Variants in PLEKHH1 observed in about 807,000 individuals in gnomAD.
PLEKHH1 encodes pleckstrin homology, MyTH4 and FERM domain containing H1.
Under a neutral mutation model 160.0 loss-of-function variants are expected in PLEKHH1, and 104 were observed. The ratio of observed to expected loss-of-function variants is 0.65; its 90% CI spans 0.55 to 0.76. The LOEUF (loss-of-function observed/expected upper bound fraction) is 0.76, where lower values mean the gene tolerates loss of function less well. PLEKHH1 is among the 30% of genes least tolerant of loss of function. The probability of loss-of-function intolerance (pLI) is 0.00; values close to 1 mark genes in which losing one functional copy is unlikely to be tolerated. For synonymous variants in PLEKHH1, 619 were observed against 678.4 expected, an observed-to-expected ratio of 0.91 and a Z score of 1.36; for missense variants, 1,427 against 1,724.1, an observed-to-expected ratio of 0.83 and a Z score of 3.05.
In PLEKHH1 at chr14:67,582,383, A is replaced by T; in HGVS notation, c.3426+173A>T. The T allele has an allele frequency of 8.9e-7, 1 of 1,122,264 alleles. No individual in the cohort carries two copies. Among genetic ancestry groups the T allele is most frequent in the Admixed American group, 2.1e-5 (1 of 47,188 alleles). 69.5% of individuals were successfully genotyped at this position (1,122,264 alleles called of 1,614,324 possible). On this transcript the variant is annotated intron_variant, in intron 24 of 28. Transcript: ENST00000329153. The surrounding 1 kb of genome is among the most constrained non-coding windows in gnomAD (Gnocchi z 5.0). ...TTCTACAGATCAGAGCTCCTCACTCACCGCAGATATAGGATGCGTGCAGAT... is the reference window on the plus strand; with the variant it reads ...TTCTACAGATCAGAGCTCCTCACTCTCCGCAGATATAGGATGCGTGCAGAT...
At chr14:67,545,576 G>A (rs1416364916) in intron 2 of PLEKHH1, among the ~76,000 whole-genome samples, 1 of 152,166 alleles carries the variant, frequency 6.6e-6, no homozygotes, top group Non-Finnish European at 1.5e-5. Context: ...TGAAGTGGCA[G>A]AAATAAATCC....
intron 23 of PLEKHH1, chr14:67,581,637 T>C (rs1299638610): frequency 5.5e-6 from 1 of 180,224 alleles, no homozygotes; most frequent in Admixed American, 5.4e-5. Flanking sequence ...AAAGACTAAG[T>C]ACTTCCTATA....
At chr14:67,550,746 CAT>C (rs2034364679) in intron 2 of PLEKHH1, among the ~76,000 whole-genome samples, 2 of 152,174 alleles carry the variant, frequency 1.3e-5, no homozygotes, top group Admixed American at 6.5e-5. Flanking sequence ...TTTTATGTGA[CAT>C]GTGAGATTTG....
intron 1 of PLEKHH1, among the ~76,000 whole-genome samples, chr14:67,536,515 G>A (rs916159598): frequency 5.3e-5 from 8 of 151,736 alleles, no homozygotes; most frequent in East Asian, 1.9e-4. Context: ...CAGAAGCCCC[G>A]TTGCCTTCCA....
chr14:67,539,918 T>C (rs922585562), intron 1 of PLEKHH1, among the ~76,000 whole-genome samples: 21 of 152,176 alleles, frequency 1.4e-4, no homozygotes, highest in African/African-American at 5.1e-4. Context: ...CAATAGCTAC[T>C]TGTAGTGTAT....
chr14:67,589,264 TTA>T lies in PLEKHH1; in HGVS notation c.*2030_*2031del. ...TCCTCCCCAACCCTTCAGGAACCCT[TTA>T]GTTTATTAATCTTATACAGAAGAAA... On this transcript the variant is annotated 3_prime_UTR_variant, in exon 29 of 29. Transcript: ENST00000329153. The T allele has an allele frequency of 6.0e-6, 5 of 831,224 alleles. No homozygotes were observed. The highest frequency in any genetic ancestry group is 7.3e-6 in the Non-Finnish European group (5 of 689,114). The allele number at this position is 831,224 out of a possible 1,614,324, so 51.5% of individuals were successfully genotyped here. A position where few individuals can be genotyped will look rare whatever the true frequency, so the allele number is the denominator to read the frequency against.
intron 2 of PLEKHH1, among the ~76,000 whole-genome samples, chr14:67,547,998 G>A (rs2034246868): frequency 6.6e-6 from 1 of 152,294 alleles, no homozygotes; most frequent in African/African-American, 2.4e-5. Context: ...CTGGAGCCAG[G>A]TTAGCCATGG....
chr14:67,542,046 G>C, intron 2 of PLEKHH1, 53 bp downstream of exon 2: 1 of 1,496,204 alleles, frequency 6.7e-7, no homozygotes, highest in Non-Finnish European at 9.0e-7. Context: ...GTTTATGGCA[G>C]GGAGGGCCGT....
At chr14:67,537,027 G>C (rs4899208) in intron 1 of PLEKHH1, among the ~76,000 whole-genome samples, 1 of 150,276 alleles carries the variant, frequency 6.7e-6, no homozygotes, top group Non-Finnish European at 1.5e-5. Context: ...GTGACAGAGC[G>C]AGACTCCATC....
At chr14:67,536,535 G>A (rs538910474) in intron 1 of PLEKHH1, among the ~76,000 whole-genome samples, 2 of 151,888 alleles carry the variant, frequency 1.3e-5, no homozygotes, top group South Asian at 4.1e-4. Flanking sequence ...AATGCCTCCT[G>A]CATCCTCCAC....
intron 2 of PLEKHH1, among the ~76,000 whole-genome samples, chr14:67,545,158 G>A (rs2034127136): frequency 6.6e-6 from 1 of 152,122 alleles, no homozygotes; most frequent in Non-Finnish European, 1.5e-5. Flanking sequence ...TTGAAGATGG[G>A]TCATCTGATA....
intron 8 of PLEKHH1, chr14:67,569,602 G>T: frequency 2.2e-6 from 1 of 452,350 alleles, no homozygotes; most frequent in East Asian, 4.1e-5. Flanking sequence ...TCTCCACAAC[G>T]AGGGCTGTGG....
At chr14:67,539,095 G>A (rs1326671907) in intron 1 of PLEKHH1, among the ~76,000 whole-genome samples, 1 of 152,138 alleles carries the variant, frequency 6.6e-6, no homozygotes, top group East Asian at 1.9e-4. Flanking sequence ...CCTGAACTGA[G>A]TTGCGAGACT....
At chr14:67,556,002 T>C in intron 3 of PLEKHH1, 115 bp downstream of exon 3, 2 of 1,338,746 alleles carry the variant, frequency 1.5e-6, no homozygotes, top group South Asian at 1.3e-5. Flanking sequence ...GTGTTATACC[T>C]GAACAAATGA....
rs1190480372 is a variant in PLEKHH1 at position 67,578,202 on chromosome 14, A to G, written c.2751+3A>G. The G allele has an allele frequency of 1.6e-5, 26 of 1,611,580 alleles. No homozygotes were observed. The highest frequency in any genetic ancestry group is 2.1e-5 in the Non-Finnish European group (25 of 1,178,018). On this transcript the variant is annotated splice_donor_region_variant and intron_variant, in intron 19 of 28. Transcript: ENST00000329153. This position sits in a 1 kb window ranked among gnomAD's most constrained non-coding sequence, Gnocchi z 5.0. ...CTCAGAAGTACTCCCTCATGCAGGTAGGCATGCCAGGGGTGGAGCAGCTGA... is the reference window on the plus strand; with the variant it reads ...CTCAGAAGTACTCCCTCATGCAGGTGGGCATGCCAGGGGTGGAGCAGCTGA...
intron 2 of PLEKHH1, among the ~76,000 whole-genome samples, chr14:67,545,336 G>A (rs1019358331): frequency 2.6e-5 from 4 of 152,122 alleles, no homozygotes; most frequent in South Asian, 2.1e-4. Context: ...ATAACTATGC[G>A]CTCAGCTAAA....
At chr14:67,565,809 C>T (rs1268012442) in intron 7 of PLEKHH1, among the ~76,000 whole-genome samples, 1 of 152,172 alleles carries the variant, frequency 6.6e-6, no homozygotes, top group African/African-American at 2.4e-5. Context: ...CAGTAACTCC[C>T]AGGGCCTCCT....
intron 1 of PLEKHH1, among the ~76,000 whole-genome samples, chr14:67,537,590 G>A (rs534302600): frequency 6.6e-6 from 1 of 152,030 alleles, no homozygotes; most frequent in South Asian, 2.1e-4. Flanking sequence ...ACCTGAGCTT[G>A]GGAAAGTTGT....
At position 67,569,924 on chromosome 14, in the gene PLEKHH1, C is replaced by T. The variant is rs2035290368; in HGVS notation, c.1346C>T (p.Ser449Leu). The T allele has an allele frequency of 6.2e-7, 1 of 1,603,874 alleles. No homozygotes were observed. ...CATTCCTCTCTTCCCTGCTCAGCTT[C>T]AAGCCCTCCTGCCCTTGTTTCCCCT... ...SPRSNTACCA[S>L]SPPALVSPGS... The change falls in exon 9 of 29, where the codon TCA becomes TTA. Residue 449 changes from serine to leucine, a missense_variant. Ser to Leu is a moderately radical substitution (Grantham distance 145). Transcript: ENST00000329153.
Sources: gnomAD v4.1 joint callset for allele counts (sites outside exome capture counted in the v4.1 genomes callset) on GRCh38, gnomAD v4.1.1 for gene constraint, Gnocchi (gnomAD v3.1) non-coding constraint, MANE v1.5 for transcripts, NCBI Gene and HGNC (gene_info 2026-07-23, HGNC 2026-07-21) for gene names.